Variants in GMNN observed in about 807,000 individuals in gnomAD.
GMNN encodes the protein geminin DNA replication inhibitor, also known as geminin.
In GMNN, 14 loss-of-function variants were observed where a neutral mutation model predicts 20.9. The observed-to-expected ratio is 0.67, with a 90% CI of 0.44 to 1.05. The LOEUF is 1.05. Ranked by LOEUF, GMNN falls within the 50% of genes least tolerant of loss-of-function variation. The pLI is 0.00. For synonymous variants in GMNN, 81 were observed against 85.8 expected, an observed-to-expected ratio of 0.94 and a Z score of 0.31; for missense variants, 227 against 243.8, an observed-to-expected ratio of 0.93 and a Z score of 0.46.
intron 6 of GMNN, 78 bp from the exon 7 acceptor site, chr6:24,785,560 C>T (rs1176973080): frequency 2.6e-5 from 17 of 662,914 alleles, no homozygotes; most frequent in Non-Finnish European, 3.3e-5. Context: ...GTATGCTATA[C>T]GGGTCAGCTA....
At chr6:24,782,308 T>TTA (rs1780241554) in intron 4 of GMNN, among the ~76,000 whole-genome samples, 1 of 152,156 alleles carries the variant, frequency 6.6e-6, no homozygotes, top group Admixed American at 6.5e-5. Flanking sequence ...ATGAGAAGAA[T>TTA]TATGCCTATA....
intron 3 of GMNN, among the ~76,000 whole-genome samples, chr6:24,781,064 G>T (rs915961154): frequency 8.6e-5 from 13 of 152,012 alleles, no homozygotes; most frequent in Admixed American, 7.2e-4. Flanking sequence ...TTAGCCGGGC[G>T]TGGTGGCACA....
At position 24,785,694 on chromosome 6, in the gene GMNN, T is replaced by A. The variant is rs757280891; in HGVS notation, c.525T>A (p.Asp175Glu). The A allele has an allele frequency of 5.7e-6, 9 of 1,565,468 alleles. No homozygotes were observed. Among genetic ancestry groups the A allele is most frequent in the Non-Finnish European group, 7.9e-6 (9 of 1,141,102 alleles). Reference protein sequence around the residue: ...NFESLDNQEFDSEEETVEDSL... With the variant: ...NFESLDNQEFESEEETVEDSL... ...AATCACTGGATAATCAGGAATTTGATTCTGAAGAAGAAACTGTTGAGGATT... is the reference window on the plus strand; with the variant it reads ...AATCACTGGATAATCAGGAATTTGAATCTGAAGAAGAAACTGTTGAGGATT... The change falls in exon 7 of 7, where the codon GAT (aspartate) becomes GAA (glutamate). Residue 175 changes from aspartate (D) to glutamate (E), a missense_variant. Asp to Glu is a conservative substitution (Grantham distance 45, BLOSUM62 2). Coordinates refer to ENST00000230056, the MANE Select transcript of GMNN (RefSeq NM_015895.5).
At chr6:24,782,380 G>A (rs1372044237) in intron 4 of GMNN, among the ~76,000 whole-genome samples, 2 of 152,174 alleles carry the variant, frequency 1.3e-5, no homozygotes, top group South Asian at 2.1e-4. Flanking sequence ...CTGATGTTTT[G>A]TAAGCATTAT....
intron 6 of GMNN, 137 bp from the exon 7 acceptor site, chr6:24,785,500 TA>T: frequency 2.0e-6 from 1 of 504,500 alleles, no homozygotes; most frequent in Non-Finnish European, 3.5e-6. Context: ...ATACTGTTTA[TA>T]AATGAATTTA....
chr6:24,776,211 C>T (rs1442726945), intron 1 of GMNN, among the ~76,000 whole-genome samples: 1 of 152,100 alleles, frequency 6.6e-6, no homozygotes, highest in Non-Finnish European at 1.5e-5. Flanking sequence ...GATACTCCTG[C>T]CTCAGCCTCC....
At chr6:24,780,133 C>T (rs1002838404) in intron 2 of GMNN, among the ~76,000 whole-genome samples, 17 of 152,030 alleles carry the variant, frequency 1.1e-4, no homozygotes, top group Non-Finnish European at 2.1e-4. Context: ...TCCAGTTTAC[C>T]TGTTTGGTGA....
intron 2 of GMNN, among the ~76,000 whole-genome samples, chr6:24,778,660 C>T (rs774305746): frequency 9.2e-5 from 14 of 152,010 alleles, no homozygotes; most frequent in Admixed American, 7.2e-4. Flanking sequence ...ACATTATATT[C>T]GCATTGACAA....
chr6:24,779,721 A>G (rs1203923474), intron 2 of GMNN, among the ~76,000 whole-genome samples: 3 of 152,230 alleles, frequency 2.0e-5, no homozygotes, highest in Non-Finnish European at 4.4e-5. Context: ...TTGCTATCCC[A>G]TGGTGGCAGT....
At chr6:24,780,585 A>C (rs1461056034) in intron 2 of GMNN, 78 bp from the exon 3 acceptor site, 6 of 808,088 alleles carry the variant, frequency 7.4e-6, no homozygotes, top group Non-Finnish European at 1.3e-5. Flanking sequence ...TAAGAGTAAC[A>C]CTCCATACAG....
rs777967986 is a variant in GMNN, at chr6:24,780,748, C to A, written c.129+8C>A. 1 of 1,405,728 alleles carries A rather than the reference C, an allele frequency of 7.1e-7. No homozygotes were observed. The highest frequency in any genetic ancestry group is 1.2e-5 in the South Asian group (1 of 86,810). 87.1% of individuals were successfully genotyped at this position (1,405,728 alleles called of 1,614,324 possible). On this transcript the variant is annotated splice_region_variant and intron_variant, in intron 3 of 6. Coordinates refer to ENST00000230056, the MANE Select transcript of GMNN (RefSeq NM_015895.5). ...GTTGGAAGAGAAAATGAGGTATGCA[C>A]TATATGGCTAAAATGGGGTACTGGT...
chr6:24,785,572 A>G, intron 6 of GMNN, 66 bp from the exon 7 acceptor site: 2 of 753,790 alleles, frequency 2.7e-6, no homozygotes, highest in Admixed American at 2.6e-5. Flanking sequence ...GGTCAGCTAT[A>G]TCAGTATGCT....
At chr6:24,784,197 T>C in intron 5 of GMNN, 28 bp downstream of exon 5, 1 of 1,137,606 alleles carries the variant, frequency 8.8e-7, no homozygotes, top group South Asian at 1.3e-5. Context: ...TTTGTACCAT[T>C]TTTAAAAATT....
At chr6:24,783,548 T>A (rs553590259) in intron 4 of GMNN, among the ~76,000 whole-genome samples, 1 of 152,278 alleles carries the variant, frequency 6.6e-6, no homozygotes, top group East Asian at 1.9e-4. Context: ...GAAAAAGTTA[T>A]CTTTACAAGG....
At position 24,784,165 on chromosome 6, in the gene GMNN, A is replaced by G. The variant is rs202155543; in HGVS notation, c.353A>G (p.Glu118Gly). The stretch of plus-strand genomic sequence containing the variant: ...CTGTATGAAGCACTTAAGGAAAATG[A>G]GAAAGTATGTATTGAGTATAATTTG... Reference protein sequence around the residue: ...KALYEALKENEKLHKEIEQKD... With the variant: ...KALYEALKENGKLHKEIEQKD... The change falls in exon 5 of 7, where the codon GAG (glutamate) becomes GGG (glycine). Residue 118 changes from glutamate to glycine, a missense_variant. Physicochemically the swap from Glu to Gly is moderately conservative, Grantham distance 98 (BLOSUM62 -2). Transcript: ENST00000230056. The G allele has an allele frequency of 2.8e-6, 4 of 1,442,322 alleles. No individual in the cohort carries two copies. The highest frequency in any genetic ancestry group is 3.9e-6 in the Non-Finnish European group (4 of 1,025,442). The allele number at this position is 1,442,322 out of a possible 1,614,324, so 89.3% of individuals were successfully genotyped here.
chr6:24,776,750 A>G (rs189462549), intron 1 of GMNN: 7 of 152,374 alleles, frequency 4.6e-5, no homozygotes, highest in African/African-American at 1.7e-4. Flanking sequence ...CTGGTTAAAC[A>G]TTTCCTACAA....
chr6:24,784,677 A>C, intron 6 of GMNN, 123 bp downstream of exon 6: 1 of 514,698 alleles, frequency 1.9e-6, no homozygotes, highest in South Asian at 2.9e-5. Context: ...TTAAGACTTA[A>C]CTTCCTTCCT....
At chr6:24,777,008 T>C (rs1228473601) in intron 1 of GMNN, 1 of 314,660 alleles carries the variant, frequency 3.2e-6, no homozygotes, top group East Asian at 4.9e-5. Context: ...AATTTCATTT[T>C]TTCAGCTATA....
chr6:24,776,362 C>G (rs1780069463), intron 1 of GMNN, among the ~76,000 whole-genome samples: 1 of 152,162 alleles, frequency 6.6e-6, no homozygotes, highest in Non-Finnish European at 1.5e-5. Context: ...CCTTCCAGCA[C>G]TTTGGTGATC....
Sources: gnomAD v4.1 joint callset for allele counts (sites outside exome capture counted in the v4.1 genomes callset) on GRCh38, gnomAD v4.1.1 for gene constraint, MANE v1.5 for transcripts, NCBI Gene and HGNC (gene_info 2026-07-23, HGNC 2026-07-21) for gene names.